LRRC53: variants seen among roughly 807,000 people sequenced by gnomAD.
LRRC53 encodes leucine rich repeat containing 53.
LRRC53 carries 25 observed loss-of-function variants against 13.6 expected under a neutral mutation model. That is an observed-to-expected ratio of 1.83 (90% CI 1.34 to 2.56). The LOEUF is 2.56. Ranked by LOEUF, LRRC53 falls within the 30% of genes most tolerant of loss-of-function variation. The pLI is 0.00. For synonymous variants in LRRC53, 204 were observed against 109.8 expected, an observed-to-expected ratio of 1.86 and a Z score of -5.37; for missense variants, 527 against 275.8, an observed-to-expected ratio of 1.91 and a Z score of -6.45.
intron 1 of LRRC53, among the ~76,000 whole-genome samples, chr1:74,487,762 G>A (rs1200642661): frequency 2.6e-5 from 4 of 152,274 alleles, no homozygotes; most frequent in East Asian, 3.9e-4. Flanking sequence ...GGAACTGCTC[G>A]TAATAAAAAG....
At chr1:74,530,148 A>G in the LRRC53 span, among the ~76,000 whole-genome samples, 1 of 152,088 alleles carries the variant, frequency 6.6e-6, no homozygotes, top group Non-Finnish European at 1.5e-5. Context: ...CTACGTTTCT[A>G]TTTACCCCAG....
Position 74,486,494 on chromosome 1 carries a change from T to G in LRRC53, c.-26-3119A>C, listed in dbSNP as rs558571933. Among the ~76,000 whole-genome samples the G allele has an allele frequency of 4.2e-4, 51 of 121,936 alleles. No individual in the cohort carries two copies. The South Asian group carries it at 9.7e-3, about 23-fold the overall frequency. The allele number at this position is 121,936 out of a possible 152,430, so 80.0% of individuals were successfully genotyped here. Reference sequence around the variant, plus strand: ...ACATCATCACTTTTTTTGTGTGTGTTTTTTGTTTTTTGCTTTTTTTTTTTT... The same window carrying G: ...ACATCATCACTTTTTTTGTGTGTGTGTTTTGTTTTTTGCTTTTTTTTTTTT... On this transcript the variant is annotated intron_variant, in intron 1 of 4. Transcript: ENST00000294635.
intron 1 of LRRC53, among the ~76,000 whole-genome samples, chr1:74,485,370 C>T (rs997437442): frequency 1.2e-4 from 18 of 152,142 alleles, no homozygotes; most frequent in Non-Finnish European, 2.5e-4. Context: ...CCTACCTGGC[C>T]GGTTAGTCGG....
upstream of LRRC53, among the ~76,000 whole-genome samples, chr1:74,514,066 G>T (rs1646310535): frequency 6.6e-6 from 1 of 152,136 alleles, no homozygotes; most frequent in African/African-American, 2.4e-5. Flanking sequence ...TCAATTCAAA[G>T]GCTATTCGAA....
chr1:74,476,571 A>G (rs1456062343), intron 3 of LRRC53, among the ~76,000 whole-genome samples: 1 of 152,178 alleles, frequency 6.6e-6, no homozygotes, highest in Non-Finnish European at 1.5e-5. Flanking sequence ...AGAAATATTT[A>G]TTAAATATTC....
chr1:74,506,232 G>A (rs918700887), intron 1 of LRRC53, among the ~76,000 whole-genome samples: 2 of 152,192 alleles, frequency 1.3e-5, no homozygotes, highest in African/African-American at 4.8e-5. Context: ...CACTTAGTAT[G>A]TTCTAGACGC....
At chr1:74,517,633 G>A in the LRRC53 span, among the ~76,000 whole-genome samples, 9 of 152,158 alleles carry the variant, frequency 5.9e-5, no homozygotes, top group African/African-American at 1.7e-4. Context: ...AACTCACAGT[G>A]GCAACCTCAA....
In LRRC53 at chr1:74,470,215, A is replaced by G. The variant is rs1667855401; in HGVS notation, c.3407T>C (p.Ile1136Thr). 4 of 400,550 alleles carry G rather than the reference A, an allele frequency of 1.0e-5. No individual in the cohort carries two copies. Among genetic ancestry groups the G allele is most frequent in the Non-Finnish European group, 1.8e-5 (4 of 226,160 alleles). The allele number at this position is 400,550 out of a possible 1,614,324, so 24.8% of individuals were successfully genotyped here. Residue 1136 changes from isoleucine to threonine, a missense_variant, in exon 5 of 5, where the codon ATT becomes ACT. Physicochemically the swap from Ile to Thr is moderately conservative, Grantham distance 89 (BLOSUM62 -1). Transcript: ENST00000294635. ...LHDASSAEET[I>T]TAKDLSITSS... ...TGTGATACTTAAATCTTTAGCTGTA[A>G]TGGTCTCCTCGGCAGAGCTTGCATC...
chr1:74,524,387 C>T, the LRRC53 span, among the ~76,000 whole-genome samples: 4 of 152,152 alleles, frequency 2.6e-5, no homozygotes, highest in Non-Finnish European at 5.9e-5. Flanking sequence ...TGACACTGTG[C>T]GGACTCCAGG....
intron 4 of LRRC53, 55 bp from the exon 5 acceptor site, chr1:74,472,256 CCAAA>C: frequency 1.4e-6 from 1 of 707,500 alleles, no homozygotes; most frequent in Non-Finnish European, 2.6e-6. Context: ...ATTACCCCAA[CCAAA>C]CAGATGCGTA....
chr1:74,494,076 T>A (rs1317072217), intron 1 of LRRC53, among the ~76,000 whole-genome samples: 1 of 152,090 alleles, frequency 6.6e-6, no homozygotes, highest in African/African-American at 2.4e-5. Flanking sequence ...GAGTGCATAC[T>A]TTCCAACCCA....
In LRRC53 at chr1:74,469,821, T is replaced by C. The variant is rs1221582798; in HGVS notation, c.*57A>G. ...GCATGCAAAGGCTAGTGGGTGTTTGTCCTCTTGAAGAAAGCTAAAGTAGAA... is the reference window on the plus strand; with the variant it reads ...GCATGCAAAGGCTAGTGGGTGTTTGCCCTCTTGAAGAAAGCTAAAGTAGAA... On this transcript the variant is annotated 3_prime_UTR_variant, in exon 5 of 5. Transcript: ENST00000294635. 1 of 399,716 alleles carries C rather than the reference T, an allele frequency of 2.5e-6. No individual in the cohort carries two copies. The highest frequency in any genetic ancestry group is 4.4e-6 in the Non-Finnish European group (1 of 225,740). 24.8% of individuals were successfully genotyped at this position (399,716 alleles called of 1,614,324 possible).
chr1:74,493,831 G>C (rs1466106845), intron 1 of LRRC53, among the ~76,000 whole-genome samples: 1 of 152,174 alleles, frequency 6.6e-6, no homozygotes, highest in Non-Finnish European at 1.5e-5. Flanking sequence ...TGCTCAAGTT[G>C]TATCCTCTGA....
In LRRC53 at chr1:74,475,318, T is replaced by G; in HGVS notation, c.1397A>C (p.Gln466Pro). 1.4e-6 allele frequency: 1 copy of G among 696,708 alleles called. No individual in the cohort carries two copies. The highest frequency in any genetic ancestry group is 2.7e-6 in the Non-Finnish European group (1 of 376,808). 43.2% of individuals were successfully genotyped at this position (696,708 alleles called of 1,614,324 possible). A position where few individuals can be genotyped will look rare whatever the true frequency, so the allele number is the denominator to read the frequency against. The change falls in exon 4 of 5, where the codon CAA (glutamine) becomes CCA (proline). Residue 466 changes from glutamine (Q) to proline (P), a missense_variant. Transcript: ENST00000294635. ...ACCTTCTGTTCTTATTATATGGTGT[T>G]GCAGAGTTTGAGGCTGGACTTCTCC... is the stretch of plus-strand genomic sequence containing the variant. Reference protein sequence around the residue: ...EPGEVQPQTLQHHIIRTEDIS... With the variant: ...EPGEVQPQTLPHHIIRTEDIS...
chr1:74,536,765 C>T, the LRRC53 span, among the ~76,000 whole-genome samples: 36 of 152,116 alleles, frequency 2.4e-4, no homozygotes, highest in African/African-American at 8.0e-4. Context: ...AGTTGACCAG[C>T]AATGTTGAAA....
the LRRC53 span, among the ~76,000 whole-genome samples, chr1:74,527,724 G>A: frequency 1.3e-5 from 2 of 152,202 alleles, no homozygotes; most frequent in Non-Finnish European, 2.9e-5. Flanking sequence ...AATCTGATTA[G>A]CATTTTAAAA....
chr1:74,499,787 C>T (rs1669515893), intron 1 of LRRC53, among the ~76,000 whole-genome samples: 1 of 152,044 alleles, frequency 6.6e-6, no homozygotes, highest in Non-Finnish European at 1.5e-5. Flanking sequence ...GAATGTAGTA[C>T]ATTTTTGCAT....
At chr1:74,492,253 G>A (rs1260579738) in intron 1 of LRRC53, 5 of 1,575,910 alleles carry the variant, frequency 3.2e-6, no homozygotes, top group Non-Finnish European at 4.3e-6. Context: ...GTCCTATGCT[G>A]CTTTGTCCCA....
At chr1:74,487,053 T>C (rs919961225) in intron 1 of LRRC53, among the ~76,000 whole-genome samples, 1 of 152,150 alleles carries the variant, frequency 6.6e-6, no homozygotes, top group East Asian at 1.9e-4. Context: ...TGGATAACTC[T>C]AGAACAATTT....
Sources: gnomAD v4.1 joint callset for allele counts (sites outside exome capture counted in the v4.1 genomes callset) on GRCh38, gnomAD v4.1.1 for gene constraint, MANE v1.5 for transcripts, NCBI Gene and HGNC (gene_info 2026-07-23, HGNC 2026-07-21) for gene names.